Variants in EVL observed in about 807,000 individuals in gnomAD.
The protein encoded by EVL is ena/VASP-like protein.
EVL carries 21 observed loss-of-function variants against 59.6 expected under a neutral mutation model. The ratio of observed to expected loss-of-function variants is 0.35; its 90% CI spans 0.25 to 0.51. The LOEUF is 0.51. Among genes scored for constraint, EVL ranks in the 20% least tolerant of loss-of-function variants. EVL has a pLI of 0.97. For missense variants in EVL, 462 were observed against 546.6 expected (o/e 0.85, Z 1.54); for synonymous variants, 198 against 203.5 (o/e 0.97, Z 0.23).
At chr14:99,973,688 C>T (rs549465285) in intron 1 of EVL, among the ~76,000 whole-genome samples, 1 of 152,170 alleles carries the variant, frequency 6.6e-6, no homozygotes, top group Non-Finnish European at 1.5e-5. Context: ...GTCTCGAACT[C>T]CTGACCTCAG....
intron 1 of EVL, among the ~76,000 whole-genome samples, chr14:100,040,025 C>T (rs895177054): frequency 6.6e-6 from 1 of 152,174 alleles, no homozygotes; most frequent in Non-Finnish European, 1.5e-5. Context: ...AGGGATCCTC[C>T]TGCCTTGACT....
rs529568949 is a variant in EVL, at chr14:100,007,478, A to G, written c.5+35421A>G. Among the ~76,000 whole-genome samples the G allele has an allele frequency of 1.1e-4, 17 of 151,884 alleles. No individual in the cohort carries two copies. The East Asian group carries it at 2.9e-3, about 26-fold the overall frequency. On this transcript the variant is annotated intron_variant, in intron 1 of 13. Transcript: ENST00000402714. ...GATTTATTTTCCTTTCACAGGAGGA[A>G]CTCTGACTTTTGAAAAAAAGATCTG...
At chr14:100,118,492 T>C (rs1887491306) in intron 3 of EVL, among the ~76,000 whole-genome samples, 1 of 152,218 alleles carries the variant, frequency 6.6e-6, no homozygotes, top group South Asian at 2.1e-4. Flanking sequence ...ATGGCAATTC[T>C]TCATGTCCCT....
intron 1 of EVL, among the ~76,000 whole-genome samples, chr14:99,989,248 A>G: frequency 6.6e-6 from 1 of 152,254 alleles, no homozygotes; most frequent in Middle Eastern, 3.4e-3. Context: ...CCCTCCTGTC[A>G]CATCCAGGTG....
At chr14:99,994,275 T>C (rs555009614) in intron 1 of EVL, among the ~76,000 whole-genome samples, 1 of 152,198 alleles carries the variant, frequency 6.6e-6, no homozygotes, top group South Asian at 2.1e-4. Flanking sequence ...TTAAAGTAAT[T>C]ACTGATTGGG....
At chr14:100,076,750 T>A (rs564179347) in intron 1 of EVL, among the ~76,000 whole-genome samples, 1 of 152,212 alleles carries the variant, frequency 6.6e-6, no homozygotes, top group Admixed American at 6.5e-5. Flanking sequence ...GGTGGAGTGT[T>A]AGGGGCCTGT....
chr14:100,019,481 A>G, intron 1 of EVL: 2 of 541,370 alleles, frequency 3.7e-6, no homozygotes, highest in Non-Finnish European at 3.2e-6. Flanking sequence ...GCCGCTTGTC[A>G]GCAGCTGGCG....
At chr14:100,004,434 C>A (rs190234600) in intron 1 of EVL, among the ~76,000 whole-genome samples, 228 of 151,960 alleles carry the variant, frequency 1.5e-3, no homozygotes, top group Non-Finnish European at 2.6e-3. Flanking sequence ...TAAATCAATC[C>A]CTTAAGAAAA....
chr14:100,078,307 A>G (rs1398718327), intron 1 of EVL, among the ~76,000 whole-genome samples: 2 of 152,302 alleles, frequency 1.3e-5, no homozygotes, highest in Middle Eastern at 3.4e-3. Flanking sequence ...AGATAAGTAG[A>G]AAGGAAACCT....
At chr14:100,055,154 G>T (rs903671116) in intron 1 of EVL, among the ~76,000 whole-genome samples, 5 of 149,958 alleles carry the variant, frequency 3.3e-5, no homozygotes, top group African/African-American at 1.2e-4. Flanking sequence ...AGCTGAGATC[G>T]CACCATTGCA....
At chr14:100,099,657 A>G (rs994848197) in intron 3 of EVL, among the ~76,000 whole-genome samples, 3 of 152,096 alleles carry the variant, frequency 2.0e-5, no homozygotes, top group African/African-American at 7.2e-5. Flanking sequence ...TTTCCACCCA[A>G]GAGCCATGAG....
chr14:99,986,121 G>T (rs2060838513), intron 1 of EVL, among the ~76,000 whole-genome samples: 3 of 151,796 alleles, frequency 2.0e-5, no homozygotes. Context: ...GCTAAACCCT[G>T]TCCCTACTAA....
intron 1 of EVL, among the ~76,000 whole-genome samples, chr14:100,070,346 TGA>T (rs979640771): frequency 1.2e-4 from 19 of 152,236 alleles, no homozygotes; most frequent in Admixed American, 3.9e-4. Context: ...TTTTGATCTC[TGA>T]GAGGATCAAA....
At chr14:100,087,034 G>A (rs2062459243) in intron 2 of EVL, among the ~76,000 whole-genome samples, 1 of 152,234 alleles carries the variant, frequency 6.6e-6, no homozygotes, top group Non-Finnish European at 1.5e-5. Flanking sequence ...GACATGTTGA[G>A]AGAATCAAAG....
At chr14:99,989,667 A>G (rs558309848) in intron 1 of EVL, among the ~76,000 whole-genome samples, 32 of 152,348 alleles carry the variant, frequency 2.1e-4, no homozygotes, top group African/African-American at 5.5e-4. Flanking sequence ...CAAGTGATCA[A>G]CAGTTACATG....
At chr14:99,979,443 A>G (rs1323618931) in intron 1 of EVL, among the ~76,000 whole-genome samples, 1 of 151,960 alleles carries the variant, frequency 6.6e-6, no homozygotes, top group Non-Finnish European at 1.5e-5. Flanking sequence ...TCTGACATTT[A>G]AGTTATTGTT....
chr14:99,971,640 G>A (rs1595532047), exon 1 of EVL: 1 of 150,748 alleles, frequency 6.6e-6, no homozygotes, highest in East Asian at 2.0e-4. Context: ...TCTCCCTCGA[G>A]GACTCGGAGC....
intron 1 of EVL, among the ~76,000 whole-genome samples, chr14:100,016,757 CCTTTGAAGCAGA>C (rs1334608833): frequency 6.6e-6 from 1 of 152,204 alleles, no homozygotes; most frequent in African/African-American, 2.4e-5. Context: ...GGATTTCTAG[CCTTTGAAGCAGA>C]CTTGGTTCCC....
intron 1 of EVL, among the ~76,000 whole-genome samples, chr14:100,006,184 CAA>C (rs2060980152): frequency 6.6e-6 from 1 of 150,906 alleles, no homozygotes; most frequent in Non-Finnish European, 1.5e-5. Flanking sequence ...AAAACAGAAA[CAA>C]AGACAAAACA....
Sources: allele counts gnomAD v4.1 joint callset (sites outside exome capture counted in the v4.1 genomes callset), GRCh38; gene constraint gnomAD v4.1.1; transcripts MANE v1.5; gene names NCBI Gene and HGNC (gene_info 2026-07-23, HGNC 2026-07-21).